Variants in FAT1 observed in about 807,000 individuals in gnomAD.
FAT1 encodes the protein FAT atypical cadherin 1.
Under a neutral mutation model 329.8 loss-of-function variants are expected in FAT1, and 171 were observed. The ratio of observed to expected loss-of-function variants is 0.52; its 90% CI spans 0.46 to 0.59. The LOEUF (loss-of-function observed/expected upper bound fraction) is 0.59, where lower values mean the gene tolerates loss of function less well. Ranked by LOEUF, FAT1 falls within the 20% of genes least tolerant of loss-of-function variation. The pLI, the probability that FAT1 is intolerant of heterozygous loss-of-function variation, is 0.00. For synonymous variants in FAT1, 2,233 were observed against 2,228.6 expected (o/e 1.00, Z -0.06); for missense variants, 5,672 against 5,774.4 (o/e 0.98, Z 0.57).
At position 186,596,528 on chromosome 4, in the gene FAT1, AG is replaced by A; in HGVS notation, c.13000+11del. 6.2e-7 allele frequency: 1 copy of A among 1,603,750 alleles called. No individual in the cohort carries two copies. Among genetic ancestry groups the A allele is most frequent in the African/African-American group, 1.3e-5 (1 of 74,416 alleles). On this transcript the variant is annotated intron_variant, in intron 25 of 26. Transcript: ENST00000441802. This position sits in a 1 kb window ranked among gnomAD's most constrained non-coding sequence, Gnocchi z 4.7. ...AAGTGACACTTTAGTGAGATGAAAAAGTGGCTCTTACTGTCATAGTCAAAGT... is the reference window on the plus strand; with the variant it reads ...AAGTGACACTTTAGTGAGATGAAAAATGGCTCTTACTGTCATAGTCAAAGT...
At chr4:186,698,532 G>A (rs976075280) in intron 2 of FAT1, among the ~76,000 whole-genome samples, 2 of 152,226 alleles carry the variant, frequency 1.3e-5, no homozygotes, top group South Asian at 2.1e-4. Flanking sequence ...ACAGCTCCAC[G>A]TAACGAAGAG....
chr4:186,634,349 C>T (rs1740728885), intron 6 of FAT1, among the ~76,000 whole-genome samples: 1 of 151,986 alleles, frequency 6.6e-6, no homozygotes, highest in Non-Finnish European at 1.5e-5. Context: ...AACACAAAGC[C>T]TAATGAAACA....
intron 1 of FAT1, among the ~76,000 whole-genome samples, chr4:186,711,816 A>G (rs946880297): frequency 6.6e-6 from 1 of 152,182 alleles, no homozygotes; most frequent in Non-Finnish European, 1.5e-5. Context: ...GTTACTCCAG[A>G]GGCTGAGGCA....
At chr4:186,671,120 A>G (rs1742707168) in intron 2 of FAT1, among the ~76,000 whole-genome samples, 1 of 152,130 alleles carries the variant, frequency 6.6e-6, no homozygotes, top group Non-Finnish European at 1.5e-5. Flanking sequence ...CCTTCCTTCA[A>G]TTAAAAACTT....
At chr4:186,623,455 C>T (rs1347514824) in intron 9 of FAT1, among the ~76,000 whole-genome samples, 2 of 152,198 alleles carry the variant, frequency 1.3e-5, no homozygotes, top group Admixed American at 6.5e-5. Flanking sequence ...TCATCCCTGC[C>T]CCTCAGACTT....
At position 186,609,329 on chromosome 4, in the gene FAT1, C is replaced by T. The variant is rs377145667; in HGVS notation, c.10069-9G>A. On this transcript the variant is annotated splice_polypyrimidine_tract_variant and intron_variant, in intron 15 of 26. Coordinates refer to ENST00000441802, the MANE Select transcript of FAT1 (RefSeq NM_005245.4). ...GCATCATCGGCCATAACCTAGAACA[C>T]ACCACACTCCTGTTTAGGAGACAGC... 1.2e-6 allele frequency: 2 copies of T among 1,612,070 alleles called. No homozygotes were observed. Among genetic ancestry groups the T allele is most frequent in the Non-Finnish European group, 1.7e-6 (2 of 1,179,272 alleles).
At chr4:186,630,873 C>T (rs573005653) in intron 7 of FAT1, among the ~76,000 whole-genome samples, 1 of 152,084 alleles carries the variant, frequency 6.6e-6, no homozygotes, top group South Asian at 2.1e-4. Context: ...GATATGAAAG[C>T]AAAGTTGTTT....
chr4:186,593,762 C>T (rs987815553), intron 26 of FAT1, among the ~76,000 whole-genome samples: 5 of 152,214 alleles, frequency 3.3e-5, no homozygotes, highest in African/African-American at 1.2e-4. Flanking sequence ...GCAATGCAGC[C>T]CTACTGATCG....
intron 1 of FAT1, among the ~76,000 whole-genome samples, chr4:186,713,211 T>C (rs1324060120): frequency 6.6e-6 from 1 of 152,038 alleles, no homozygotes; most frequent in Non-Finnish European, 1.5e-5. Flanking sequence ...CCACCTTACA[T>C]TTAGCTGTCA....
intron 2 of FAT1, among the ~76,000 whole-genome samples, chr4:186,667,026 T>C (rs1421691280): frequency 6.6e-6 from 1 of 152,264 alleles, no homozygotes; most frequent in Non-Finnish European, 1.5e-5. Context: ...CATCCACCTG[T>C]TCTACATGTC....
chr4:186,606,289 G>T, intron 16 of FAT1, 76 bp from the exon 17 acceptor site: 1 of 1,529,766 alleles, frequency 6.5e-7, no homozygotes. Flanking sequence ...GTCCTCCTGA[G>T]AGTCCTGACG....
At chr4:186,612,287 G>A (rs922761126) in intron 13 of FAT1, among the ~76,000 whole-genome samples, 3 of 151,878 alleles carry the variant, frequency 2.0e-5, no homozygotes, top group Admixed American at 6.6e-5. Flanking sequence ...TTTCGTATAG[G>A]AGCCAATAAT....
chr4:186,702,956 C>T (rs182960562), intron 2 of FAT1, among the ~76,000 whole-genome samples: 1 of 152,262 alleles, frequency 6.6e-6, no homozygotes, highest in Admixed American at 6.5e-5. Flanking sequence ...CACTGTAGAC[C>T]TTACAGATAG....
chr4:186,588,707 G>C lies in FAT1; in HGVS notation c.13652C>G (p.Ala4551Gly), dbSNP rs148468016. ...ASTASCSDVS[A>G]CCEVESEVMM... ...GACCTCGGACTCCACTTCGCAGCAG[G>C]CTGACACGTCAGAGCAGGAGGCGGT... Residue 4551 changes from alanine to glycine, a missense_variant, in exon 27 of 27, where the codon GCC (alanine) becomes GGC (glycine). Coordinates refer to ENST00000441802, the MANE Select transcript of FAT1 (RefSeq NM_005245.4). The C allele has an allele frequency of 4.7e-4, 765 of 1,613,984 alleles. 5 individuals carry two copies. In the East Asian group the frequency reaches 0.013, roughly 27 times the overall value.
intron 9 of FAT1, among the ~76,000 whole-genome samples, chr4:186,624,367 G>C (rs1006117213): frequency 2.0e-5 from 3 of 152,062 alleles, no homozygotes; most frequent in African/African-American, 4.8e-5. Flanking sequence ...TGTTCAGCTG[G>C]GGCCCCACTG....
intron 2 of FAT1, among the ~76,000 whole-genome samples, chr4:186,704,757 AG>A (rs1744489714): frequency 6.6e-6 from 1 of 152,214 alleles, no homozygotes; most frequent in Non-Finnish European, 1.5e-5. Context: ...TACTCTTCAG[AG>A]GATTATCAAA....
chr4:186,636,305 C>T (rs371934906), intron 5 of FAT1, 70 bp from the exon 6 acceptor site: 1 of 1,423,730 alleles, frequency 7.0e-7, no homozygotes, highest in Middle Eastern at 1.8e-4. Flanking sequence ...GAATGAAGCA[C>T]AGACTGGTTT....
chr4:186,616,406 C>T (rs1739712926), intron 11 of FAT1, among the ~76,000 whole-genome samples: 1 of 152,116 alleles, frequency 6.6e-6, no homozygotes, highest in Admixed American at 6.5e-5. Context: ...TCCCCACCCA[C>T]TCCTGACGAC....
chr4:186,594,159 G>A (rs887254370), intron 26 of FAT1, among the ~76,000 whole-genome samples: 3 of 151,942 alleles, frequency 2.0e-5, no homozygotes, highest in South Asian at 2.1e-4. Flanking sequence ...TACAACTCCC[G>A]GGCTCAGGCC....
Sources: allele counts gnomAD v4.1 joint callset (sites outside exome capture counted in the v4.1 genomes callset), GRCh38; gene constraint gnomAD v4.1.1; non-coding constraint Gnocchi (gnomAD v3.1); transcripts MANE v1.5; gene names NCBI Gene and HGNC (gene_info 2026-07-23, HGNC 2026-07-21).